Variants in DPF3 observed in about 807,000 individuals in gnomAD.
DPF3 encodes double PHD fingers 3.
A neutral mutation model predicts 56.8 loss-of-function variants in DPF3; 18 were observed. The observed-to-expected ratio is 0.32, with a 90% CI of 0.22 to 0.47. DPF3 has a LOEUF of 0.47. Ranked by LOEUF, DPF3 falls within the 20% of genes least tolerant of loss-of-function variation. The probability of loss-of-function intolerance (pLI) is 1.00; values close to 1 mark genes in which losing one functional copy is unlikely to be tolerated. For synonymous variants in DPF3, 188 were observed against 180.2 expected (o/e 1.04, Z -0.35); for missense variants, 403 against 488.8 (o/e 0.82, Z 1.65).
intron 1 of DPF3, among the ~76,000 whole-genome samples, chr14:72,800,849 T>A (rs1298747780): frequency 6.6e-6 from 1 of 152,182 alleles, no homozygotes; most frequent in Non-Finnish European, 1.5e-5. Flanking sequence ...TAGTTGCAAG[T>A]TGAACCTACA....
At chr14:72,719,285 A>G (rs1011279434) in intron 5 of DPF3, among the ~76,000 whole-genome samples, 2 of 149,456 alleles carry the variant, frequency 1.3e-5, no homozygotes, top group African/African-American at 4.9e-5. Context: ...CTGGTCTCAA[A>G]CTCCTGGGCT....
Position 72,674,172 on chromosome 14 carries a change from T to C in DPF3, c.871+68A>G, listed in dbSNP as rs986336152. ...CTCTCCAGTCTCCAGCACCACAAGATGGAAGAGGAATGCAAGAGGAGCATT... is the reference window on the plus strand; with the variant it reads ...CTCTCCAGTCTCCAGCACCACAAGACGGAAGAGGAATGCAAGAGGAGCATT... On this transcript the variant is annotated intron_variant, in intron 8 of 10. Transcript: ENST00000556509. 15 of 1,543,754 alleles carry C rather than the reference T, an allele frequency of 9.7e-6. No homozygotes were observed. In the Admixed American group the frequency reaches 2.6e-4, roughly 26 times the overall value.
intron 4 of DPF3, among the ~76,000 whole-genome samples, chr14:72,728,135 C>A (rs1448597200): frequency 6.6e-6 from 1 of 152,156 alleles, no homozygotes; most frequent in Non-Finnish European, 1.5e-5. Flanking sequence ...TTGATTCTGT[C>A]AAATTACATG....
chr14:72,796,768 A>T (rs11621216), intron 1 of DPF3, among the ~76,000 whole-genome samples: 21,982 of 152,084 alleles, frequency 0.14, 1,715 homozygotes, highest in Middle Eastern at 0.32. Flanking sequence ...TCCCAACTCA[A>T]ATACCCTGTG....
At chr14:72,683,995 T>C (rs1887288815) in intron 7 of DPF3, among the ~76,000 whole-genome samples, 1 of 152,120 alleles carries the variant, frequency 6.6e-6, no homozygotes, top group African/African-American at 2.4e-5. Flanking sequence ...TATTCAAACG[T>C]GATGAAAGTG....
intron 6 of DPF3, among the ~76,000 whole-genome samples, chr14:72,697,926 T>G (rs1384145697): frequency 1.3e-5 from 2 of 152,218 alleles, no homozygotes; most frequent in Non-Finnish European, 2.9e-5. Flanking sequence ...CACCACGTTC[T>G]GCCTCCACAC....
chr14:72,792,545 A>G (rs923265193), intron 1 of DPF3, among the ~76,000 whole-genome samples: 4 of 152,164 alleles, frequency 2.6e-5, no homozygotes, highest in African/African-American at 9.7e-5. Flanking sequence ...CACAGCCCAA[A>G]ATAGTCCACA....
intron 1 of DPF3, among the ~76,000 whole-genome samples, chr14:72,871,399 CCTATATT>C (rs542461223): frequency 4.6e-5 from 7 of 152,342 alleles, no homozygotes; most frequent in Non-Finnish European, 1.0e-4. Flanking sequence ...GTCCCTTCTG[CCTATATT>C]CTATAAAGTC....
At chr14:72,690,114 C>T (rs1887610189) in intron 7 of DPF3, among the ~76,000 whole-genome samples, 1 of 152,134 alleles carries the variant, frequency 6.6e-6, no homozygotes, top group Non-Finnish European at 1.5e-5. Context: ...GTGTGCCACT[C>T]ACTGACAAGC....
intron 8 of DPF3, among the ~76,000 whole-genome samples, chr14:72,634,723 C>A (rs1885338411): frequency 1.3e-5 from 2 of 151,880 alleles, no homozygotes; most frequent in African/African-American, 2.4e-5. Flanking sequence ...TTGCACCAAC[C>A]TAATACTTGC....
At position 72,614,348 on chromosome 14, in the gene DPF3, A is replaced by G. The variant is rs1440121351; in HGVS notation, c.*4949T>C. On this transcript the variant is annotated 3_prime_UTR_variant, in exon 11 of 11. Transcript: ENST00000556509. The stretch of plus-strand genomic sequence containing the variant: ...TCACCATCCTTCCCCTTCACCTGGT[A>G]TCCAAAAGCATACTTTGGGGATGGG... 6.6e-6 allele frequency among the ~76,000 whole-genome samples: 1 copy of G among 152,216 alleles called. No homozygotes were observed. Among genetic ancestry groups the G allele is most frequent in the Non-Finnish European group, 1.5e-5 (1 of 68,028 alleles).
At chr14:72,720,623 T>C (rs1399662431) in intron 5 of DPF3, among the ~76,000 whole-genome samples, 2 of 152,242 alleles carry the variant, frequency 1.3e-5, no homozygotes, top group Non-Finnish European at 2.9e-5. Context: ...TTCTTTCTCT[T>C]TTCCATCATT....
chr14:72,792,175 C>G (rs970414809), intron 1 of DPF3, among the ~76,000 whole-genome samples: 2 of 148,528 alleles, frequency 1.3e-5, no homozygotes, highest in African/African-American at 4.9e-5. Flanking sequence ...ACCAGCATTT[C>G]AAGAAAACAA....
chr14:72,793,548 C>A (rs1373627380), intron 1 of DPF3, among the ~76,000 whole-genome samples: 1 of 152,216 alleles, frequency 6.6e-6, no homozygotes, highest in East Asian at 1.9e-4. Context: ...TATCTCCATC[C>A]TCACACTCTA....
Position 72,826,010 on chromosome 14 carries a change from G to A in DPF3, c.33-54117C>T, listed in dbSNP as rs191055773. Among the ~76,000 whole-genome samples, 332 of 152,110 alleles carry A rather than the reference G, an allele frequency of 2.2e-3. 2 individuals carry two copies. The highest frequency in any genetic ancestry group is 4.0e-3 in the Non-Finnish European group (271 of 68,002). On this transcript the variant is annotated intron_variant, in intron 1 of 10. Transcript: ENST00000556509. ...GAAAAATACAGATGGGGGCAGGGGC[G>A]GGAAAGGAAGGGGGCAGGTTAGGGA...
rs1049577196 is a variant in DPF3, at chr14:72,613,769, T to G, written c.*5528A>C. Among the ~76,000 whole-genome samples the G allele has an allele frequency of 4.6e-5, 7 of 152,158 alleles. No homozygotes were observed. The highest frequency in any genetic ancestry group is 1.7e-4 in the African/African-American group (7 of 41,432). ...GCCCGGACCCCTCCTCCTCAGAGTT[T>G]CCTGACAGCTCTTCCTTTGGGCCTC... On this transcript the variant is annotated 3_prime_UTR_variant, in exon 11 of 11. Transcript: ENST00000556509.
At position 72,675,212 on chromosome 14, in the gene DPF3, G is replaced by T. The variant is rs764369637; in HGVS notation, c.743-844C>A. On this transcript the variant is annotated intron_variant, in intron 7 of 10. Transcript: ENST00000556509. The stretch of plus-strand genomic sequence containing the variant: ...CTTAGGACATGACTTTGAAAACAAA[G>T]CCTGTGAGGAGAATAGCACCTGTCC... Among the ~76,000 whole-genome samples, 3 of 152,328 alleles carry T rather than the reference G, an allele frequency of 2.0e-5. No homozygotes were observed. The South Asian group carries it at 6.2e-4, about 32-fold the overall frequency.
chr14:72,610,176 C>T lies in DPF3; in HGVS notation c.*9121G>A, dbSNP rs75099177. Among the ~76,000 whole-genome samples, 1 of 152,200 alleles carries T rather than the reference C, an allele frequency of 6.6e-6. No homozygotes were observed. The highest frequency in any genetic ancestry group is 1.5e-5 in the Non-Finnish European group (1 of 68,036). ...GGAAGAAGCAATCCCAGGTTTGCTT[C>T]GTATCTGCAGGTCTAGAGACATCAA... On this transcript the variant is annotated 3_prime_UTR_variant, in exon 11 of 11. Transcript: ENST00000556509.
At chr14:72,884,301 AG>A in intron 1 of DPF3, among the ~76,000 whole-genome samples, 1 of 152,246 alleles carries the variant, frequency 6.6e-6, no homozygotes, top group African/African-American at 2.4e-5. Flanking sequence ...CTGGATGAGT[AG>A]ACCTTGCATT....
Sources: allele counts gnomAD v4.1 joint callset (sites outside exome capture counted in the v4.1 genomes callset), GRCh38; gene constraint gnomAD v4.1.1; transcripts MANE v1.5; gene names NCBI Gene and HGNC (gene_info 2026-07-23, HGNC 2026-07-21).